Variants in RRN3 observed in about 807,000 individuals in gnomAD.
The protein encoded by RRN3 is RNA polymerase I-specific transcription initiation factor RRN3.
A neutral mutation model predicts 82.3 loss-of-function variants in RRN3; 38 were observed. The ratio of observed to expected loss-of-function variants is 0.46; its 90% CI spans 0.36 to 0.61. The LOEUF is 0.61. RRN3 is among the 20% of genes least tolerant of loss of function. The pLI, the probability that RRN3 is intolerant of heterozygous loss-of-function variation, is 0.00. For synonymous variants in RRN3, 284 were observed against 284.3 expected, an observed-to-expected ratio of 1.00 and a Z score of 0.01; for missense variants, 726 against 793.1, an observed-to-expected ratio of 0.92 and a Z score of 1.02.
intron 2 of RRN3, among the ~76,000 whole-genome samples, chr16:15,091,711 C>T (rs1018490932): frequency 2.6e-5 from 4 of 152,152 alleles, no homozygotes; most frequent in Admixed American, 6.6e-5. Context: ...AAAAAGTATT[C>T]ACTCAAATAT....
chr16:15,083,748 C>T (rs923732971), intron 7 of RRN3, 166 bp from the exon 8 acceptor site: 18 of 863,784 alleles, frequency 2.1e-5, no homozygotes, highest in Non-Finnish European at 3.1e-5. Context: ...CGGAGTTTCG[C>T]TCTTGTTGCC....
Position 15,061,879 on chromosome 16 carries a change from G to A in RRN3, c.1821C>T (p.Asp607=). 6.2e-7 allele frequency: 1 copy of A among 1,613,148 alleles called. No individual in the cohort carries two copies. The highest frequency in any genetic ancestry group is 1.3e-5 in the African/African-American group (1 of 75,060). ...KKDIVEDEDD[D]FLKGEVPQND... ...TCTGGGGCACTTCGCCTTTCAGAAA[G>A]TCATCATCTTCATCTTCCACTATGT... Residue 607 remains aspartate, a synonymous_variant, in exon 18 of 18, where the codon GAC becomes GAT. Transcript: ENST00000198767.
intron 3 of RRN3, among the ~76,000 whole-genome samples, chr16:15,090,677 A>G (rs1229549722): frequency 6.6e-6 from 1 of 152,228 alleles, no homozygotes; most frequent in Non-Finnish European, 1.5e-5. Flanking sequence ...CAGAGAGGTT[A>G]AAACAATTTG....
At position 15,060,661 on chromosome 16, in the gene RRN3, G is replaced by GA. The variant is rs2044677613; in HGVS notation, c.*1082dup. The GA allele has an allele frequency of 6.6e-6, 1 of 152,398 alleles. No individual in the cohort carries two copies. 9.4% of individuals were successfully genotyped at this position (152,398 alleles called of 1,614,324 possible). Reference sequence around the variant, plus strand: ...AATTTGTTTTAAAGCGAGGTCTTCTGAAGACTTCCTCTGTTTAGTTATAAA... The same window carrying GA: ...AATTTGTTTTAAAGCGAGGTCTTCTGAAAGACTTCCTCTGTTTAGTTATAAA... On this transcript the variant is annotated 3_prime_UTR_variant, in exon 18 of 18. Transcript: ENST00000198767.
chr16:15,070,718 C>T (rs191792908), intron 13 of RRN3, among the ~76,000 whole-genome samples: 7 of 152,056 alleles, frequency 4.6e-5, no homozygotes, highest in African/African-American at 1.7e-4. Context: ...TCTTTATGGG[C>T]CACTGGAAGA....
chr16:15,076,930 C>T (rs1241600314), intron 9 of RRN3, among the ~76,000 whole-genome samples: 2 of 151,724 alleles, frequency 1.3e-5, no homozygotes, highest in African/African-American at 4.8e-5. Flanking sequence ...ACAAATTCAA[C>T]ATTTATTCTA....
rs953839308 is a variant in RRN3, at chr16:15,085,558, T to A, written c.532+81A>T. On this transcript the variant is annotated intron_variant, in intron 6 of 17. Coordinates refer to ENST00000198767, the MANE Select transcript of RRN3 (RefSeq NM_018427.5). ...GTCTCAAACTCTTGGCCTCAAGTGA[T>A]CCTCCCGTCTTGGCTTCCCAAAGTG... is the stretch of plus-strand genomic sequence containing the variant. 7 of 1,570,254 alleles carry A rather than the reference T, an allele frequency of 4.5e-6. No homozygotes were observed. In the African/African-American group the frequency reaches 5.4e-5, roughly 12 times the overall value.
chr16:15,072,896 T>A lies in RRN3; in HGVS notation c.1128+54A>T. ...CGTCCACCCCAGTTTTTAGGGAAAA[T>A]TTTTGGGCAAAAACAAAGTAAGCTA... On this transcript the variant is annotated intron_variant, in intron 12 of 17. Transcript: ENST00000198767. 3 of 1,592,820 alleles carry A rather than the reference T, an allele frequency of 1.9e-6. No homozygotes were observed. The Admixed American group carries it at 5.4e-5, about 29-fold the overall frequency.
At chr16:15,080,160 C>G in intron 8 of RRN3, 64 bp from the exon 9 acceptor site, 1 of 1,509,124 alleles carries the variant, frequency 6.6e-7, no homozygotes, top group East Asian at 2.4e-5. Context: ...GTTATGTAAG[C>G]AAAACATCAA....
chr16:15,093,703 C>T (rs2046233457), intron 1 of RRN3, among the ~76,000 whole-genome samples: 1 of 152,072 alleles, frequency 6.6e-6, no homozygotes, highest in Admixed American at 6.6e-5. Flanking sequence ...AAAAGTGGAG[C>T]AAAATAAAGA....
At chr16:15,062,126 G>A (rs1286449767) in intron 17 of RRN3, among the ~76,000 whole-genome samples, 1 of 152,198 alleles carries the variant, frequency 6.6e-6, no homozygotes. Context: ...TCCAGCCTGG[G>A]CAACATAGCG....
chr16:15,087,896 C>A (rs2045970993), intron 3 of RRN3, among the ~76,000 whole-genome samples: 1 of 152,012 alleles, frequency 6.6e-6, no homozygotes, highest in Admixed American at 6.6e-5. Context: ...GGGTGGATCA[C>A]CTGAGGTTGG....
chr16:15,062,806 T>C (rs1018353202), intron 17 of RRN3, among the ~76,000 whole-genome samples: 25 of 152,330 alleles, frequency 1.6e-4, no homozygotes, highest in African/African-American at 5.5e-4. Flanking sequence ...ACTCTTTAAA[T>C]AACAACAAAA....
chr16:15,081,897 T>G (rs2045720006), intron 8 of RRN3, among the ~76,000 whole-genome samples: 1 of 152,234 alleles, frequency 6.6e-6, no homozygotes, highest in Non-Finnish European at 1.5e-5. Flanking sequence ...GCCAGCAGCA[T>G]TTGTTGAAAT....
Position 15,074,950 on chromosome 16 carries a change from T to G in RRN3, c.859-89A>C. 13 of 1,302,236 alleles carry G rather than the reference T, an allele frequency of 1.0e-5. No homozygotes were observed. In the South Asian group the frequency reaches 1.9e-4, roughly 19 times the overall value. The allele number at this position is 1,302,236 out of a possible 1,614,324, so 80.7% of individuals were successfully genotyped here. ...AACTGTCATAAGTGATTATTTCCCT[T>G]AAAAGATAAAACAAAGAGGCTGGGG... On this transcript the variant is annotated intron_variant, in intron 10 of 17. Transcript: ENST00000198767.
intron 2 of RRN3, among the ~76,000 whole-genome samples, chr16:15,091,867 G>A (rs1245588030): frequency 6.6e-6 from 1 of 152,086 alleles, no homozygotes; most frequent in Non-Finnish European, 1.5e-5. Flanking sequence ...GTAATGCTTA[G>A]GTAAGTTCCT....
intron 12 of RRN3, among the ~76,000 whole-genome samples, chr16:15,071,811 G>C (rs369480985): frequency 2.6e-5 from 4 of 152,056 alleles, no homozygotes; most frequent in Admixed American, 1.3e-4. Flanking sequence ...CAACCTGGGA[G>C]GTACAAATTC....
chr16:15,071,429 C>T (rs540563720), intron 12 of RRN3, among the ~76,000 whole-genome samples, 178 bp from the exon 13 acceptor site: 14 of 152,262 alleles, frequency 9.2e-5, no homozygotes, highest in African/African-American at 3.1e-4. Flanking sequence ...AAAGGCACCT[C>T]GGGTGTTAAA....
chr16:15,076,605 T>C lies in RRN3; in HGVS notation c.811A>G (p.Thr271Ala), dbSNP rs1203400586. The C allele has an allele frequency of 2.5e-6, 4 of 1,613,430 alleles. No homozygotes were observed. The highest frequency in any genetic ancestry group is 2.2e-5 in the South Asian group (2 of 91,078). ...QGIEDAEETA[T>A]QTCGGTDSTE... The stretch of plus-strand genomic sequence containing the variant: ...GAATCTGTCCCACCACAAGTTTGAG[T>C]TGCTGTTTCTTCAGCATCTTCAATA... Residue 271 changes from threonine to alanine, a missense_variant, in exon 10 of 18, where the codon ACT (threonine) becomes GCT (alanine). Thr to Ala is a moderately conservative substitution (Grantham distance 58). Around this residue, in one of 4 missense-constraint regions of RRN3, gnomAD observed 344 missense variants for 394.5 expected, o/e 0.87. Transcript: ENST00000198767.
Sources: allele counts gnomAD v4.1 joint callset (sites outside exome capture counted in the v4.1 genomes callset), GRCh38; gene constraint gnomAD v4.1.1; regional missense constraint gnomAD v4.1.1; transcripts MANE v1.5; gene names NCBI Gene and HGNC (gene_info 2026-07-23, HGNC 2026-07-21).